Variants in AGPS observed in about 807,000 individuals in gnomAD.
AGPS encodes alkylglycerone phosphate synthase, also known as alkyldihydroxyacetonephosphate synthase, peroxisomal.
In AGPS, 26 loss-of-function variants were observed where a neutral mutation model predicts 90.7. The ratio of observed to expected loss-of-function variants is 0.29; its 90% CI spans 0.21 to 0.40. The LOEUF (loss-of-function observed/expected upper bound fraction) is 0.40. Among genes scored for constraint, AGPS ranks in the 10% least tolerant of loss-of-function variants. The pLI is 1.00. For synonymous variants in AGPS, 294 were observed against 285.3 expected, an observed-to-expected ratio of 1.03 and a Z score of -0.31; for missense variants, 540 against 816.1, an observed-to-expected ratio of 0.66 and a Z score of 4.12.
At chr2:177,470,710 CAAA>C (rs369412625) in intron 10 of AGPS, among the ~76,000 whole-genome samples, 1 of 108,664 alleles carries the variant, frequency 9.2e-6, no homozygotes, top group Non-Finnish European at 1.8e-5. Context: ...GACTTTGTCT[CAAA>C]AAAAAAAAAA....
At chr2:177,478,395 A>G (rs146258008) in intron 10 of AGPS, among the ~76,000 whole-genome samples, 191 of 152,192 alleles carry the variant, frequency 1.3e-3, no homozygotes, top group Middle Eastern at 3.4e-3. Context: ...TTGGTTTTTA[A>G]TAAATTTAGG....
intron 11 of AGPS, among the ~76,000 whole-genome samples, chr2:177,489,401 T>A (rs1329844375): frequency 1.3e-5 from 2 of 151,914 alleles, no homozygotes; most frequent in Non-Finnish European, 2.9e-5. Flanking sequence ...TATTTTTAAA[T>A]AAAATGATAG....
chr2:177,481,994 G>T, intron 10 of AGPS, 65 bp from the exon 11 acceptor site: 1 of 1,432,832 alleles, frequency 7.0e-7, no homozygotes, highest in East Asian at 2.8e-5. Context: ...AGATTAAATA[G>T]ATTTAAATAT....
At chr2:177,492,916 T>C (rs377442248) in intron 11 of AGPS, among the ~76,000 whole-genome samples, 1 of 151,300 alleles carries the variant, frequency 6.6e-6, no homozygotes, top group Non-Finnish European at 1.5e-5. Context: ...TGTTAACTTA[T>C]GTTTGTATTT....
chr2:177,419,469 GC>G, intron 1 of AGPS, among the ~76,000 whole-genome samples: 1 of 151,786 alleles, frequency 6.6e-6, no homozygotes, highest in East Asian at 1.9e-4. Flanking sequence ...AAAAAGTGAT[GC>G]AATACTTCAG....
intron 8 of AGPS, among the ~76,000 whole-genome samples, chr2:177,459,000 G>A (rs1574384739): frequency 6.6e-6 from 1 of 152,154 alleles, no homozygotes; most frequent in East Asian, 1.9e-4. Context: ...GAAAAGAACG[G>A]AGGCCTCAGA....
intron 13 of AGPS, among the ~76,000 whole-genome samples, chr2:177,499,074 C>A (rs986899383): frequency 6.6e-6 from 1 of 151,796 alleles, no homozygotes; most frequent in African/African-American, 2.4e-5. Flanking sequence ...TTAGTTTATG[C>A]ATTTGGGAGC....
chr2:177,460,143 C>T (rs1687249120), intron 8 of AGPS, among the ~76,000 whole-genome samples: 1 of 152,076 alleles, frequency 6.6e-6, no homozygotes, highest in Non-Finnish European at 1.5e-5. Context: ...GGGAGAGGAA[C>T]ATCACACAGT....
chr2:177,506,680 G>C (rs1688725107), intron 15 of AGPS, among the ~76,000 whole-genome samples: 1 of 151,846 alleles, frequency 6.6e-6, no homozygotes, highest in South Asian at 2.1e-4. Context: ...CAGTGATGAT[G>C]ATAAGTAAAA....
At position 177,543,050 on chromosome 2, in the gene AGPS, C is replaced by G. The variant is rs971952569; in HGVS notation, c.*4855C>G. The G allele has an allele frequency of 5.9e-4, 90 of 152,270 alleles. No individual in the cohort carries two copies. In the Middle Eastern group the frequency reaches 0.01, roughly 17 times the overall value. 9.4% of individuals were successfully genotyped at this position (152,270 alleles called of 1,614,324 possible). Reference sequence around the variant, plus strand: ...TATATTTAACTAATTGTATGGTGGACCTGTACTCTGATACACATCGAATCA... The same window carrying G: ...TATATTTAACTAATTGTATGGTGGAGCTGTACTCTGATACACATCGAATCA... On this transcript the variant is annotated 3_prime_UTR_variant, in exon 20 of 20. Coordinates refer to ENST00000264167, the MANE Select transcript of AGPS (RefSeq NM_003659.4).
chr2:177,465,663 C>A, intron 9 of AGPS, among the ~76,000 whole-genome samples: 1 of 152,260 alleles, frequency 6.6e-6, no homozygotes, highest in Admixed American at 6.5e-5. Flanking sequence ...GCTGCTGGAC[C>A]AGGCATACTG....
intron 1 of AGPS, among the ~76,000 whole-genome samples, chr2:177,405,799 C>A (rs558319634): frequency 2.8e-4 from 43 of 151,164 alleles, no homozygotes; most frequent in Non-Finnish European, 5.4e-4. Context: ...CTTCCTTAAT[C>A]ATTTCATCTA....
At chr2:177,468,769 T>G (rs1687529052) in intron 10 of AGPS, among the ~76,000 whole-genome samples, 1 of 152,048 alleles carries the variant, frequency 6.6e-6, no homozygotes. Context: ...TTTTAGAATT[T>G]TTAATGAATT....
chr2:177,418,167 A>G (rs1007606133), intron 1 of AGPS, among the ~76,000 whole-genome samples: 3 of 152,128 alleles, frequency 2.0e-5, no homozygotes, highest in African/African-American at 7.2e-5. Flanking sequence ...AAAGAGAGAA[A>G]AAGGTACCTA....
At chr2:177,466,089 C>T (rs570576164) in intron 9 of AGPS, among the ~76,000 whole-genome samples, 1 of 152,242 alleles carries the variant, frequency 6.6e-6, no homozygotes, top group South Asian at 2.1e-4. Flanking sequence ...GCATCCAGCT[C>T]TCAGCAGAGA....
intron 1 of AGPS, among the ~76,000 whole-genome samples, chr2:177,415,133 C>T (rs991628416): frequency 1.3e-5 from 2 of 152,014 alleles, no homozygotes; most frequent in Admixed American, 1.3e-4. Flanking sequence ...ATATGCATAT[C>T]TATTCAACTT....
At chr2:177,430,285 G>A (rs1238205030) in intron 2 of AGPS, among the ~76,000 whole-genome samples, 1 of 152,198 alleles carries the variant, frequency 6.6e-6, no homozygotes, top group Non-Finnish European at 1.5e-5. Flanking sequence ...AACTTGTGAG[G>A]TGCTGTGGAA....
chr2:177,476,155 T>C (rs1687776106), intron 10 of AGPS, among the ~76,000 whole-genome samples: 1 of 152,058 alleles, frequency 6.6e-6, no homozygotes, highest in Admixed American at 6.6e-5. Flanking sequence ...TTTTTATTGG[T>C]TTTCTATCCT....
At chr2:177,430,944 T>G (rs1006913188) in intron 2 of AGPS, among the ~76,000 whole-genome samples, 1 of 152,222 alleles carries the variant, frequency 6.6e-6, no homozygotes, top group African/African-American at 2.4e-5. Context: ...TTTGTCTTTT[T>G]GATGGCATAA....
Sources: allele counts gnomAD v4.1 joint callset (sites outside exome capture counted in the v4.1 genomes callset), GRCh38; gene constraint gnomAD v4.1.1; transcripts MANE v1.5; gene names NCBI Gene and HGNC (gene_info 2026-07-23, HGNC 2026-07-21).